The following ZNF804A variants were observed in gnomAD, a reference collection of about 807,000 sequenced individuals.
The protein encoded by ZNF804A is zinc finger protein 804A.
A neutral mutation model predicts 16.5 loss-of-function variants in ZNF804A; 2 were observed. The ratio of observed to expected loss-of-function variants is 0.12; its 90% CI spans 0.05 to 0.38. The LOEUF is 0.38. Among genes scored for constraint, ZNF804A ranks in the 10% least tolerant of loss-of-function variants. ZNF804A has a pLI of 0.99. For synonymous variants in ZNF804A, 534 were observed against 489.6 expected (o/e 1.09, Z -1.20); for missense variants, 1,473 against 1,390.7 (o/e 1.06, Z -0.94).
chr2:184,769,112 C>T (rs1694173493), intron 1 of ZNF804A, among the ~76,000 whole-genome samples: 1 of 152,046 alleles, frequency 6.6e-6, no homozygotes, highest in Non-Finnish European at 1.5e-5. Context: ...TCTTCGATCA[C>T]ATTGCCTCTG....
At chr2:184,909,872 A>G (rs1447175629) in intron 2 of ZNF804A, among the ~76,000 whole-genome samples, 1 of 152,094 alleles carries the variant, frequency 6.6e-6, no homozygotes, top group African/African-American at 2.4e-5. Context: ...GTTCAGATCA[A>G]AAGCAATCCT....
intron 1 of ZNF804A, among the ~76,000 whole-genome samples, chr2:184,692,526 T>A (rs1692749132): frequency 6.6e-6 from 1 of 152,186 alleles, no homozygotes; most frequent in Non-Finnish European, 1.5e-5. Flanking sequence ...AGGTTTATAG[T>A]TTCTGACATT....
chr2:184,768,640 T>C (rs1483845251), intron 1 of ZNF804A, among the ~76,000 whole-genome samples: 3 of 152,072 alleles, frequency 2.0e-5, no homozygotes, highest in Admixed American at 6.6e-5. Context: ...TTGATGTTTC[T>C]GGTCTAGGGA....
chr2:184,709,195 T>C (rs955299991), intron 1 of ZNF804A, among the ~76,000 whole-genome samples: 3 of 152,116 alleles, frequency 2.0e-5, no homozygotes, highest in African/African-American at 7.2e-5. Flanking sequence ...ATCCTCCACT[T>C]GGTCTGGAAT....
chr2:184,757,637 T>G (rs558434583), intron 1 of ZNF804A, among the ~76,000 whole-genome samples: 2 of 152,146 alleles, frequency 1.3e-5, no homozygotes, highest in East Asian at 3.9e-4. Flanking sequence ...AAAGTTGTTT[T>G]GTTTGTCATT....
At chr2:184,890,664 A>C (rs1158205782) in intron 2 of ZNF804A, among the ~76,000 whole-genome samples, 1 of 151,922 alleles carries the variant, frequency 6.6e-6, no homozygotes, top group Non-Finnish European at 1.5e-5. Context: ...CTATTTACTA[A>C]ATAATGATTA....
At position 184,752,161 on chromosome 2, in the gene ZNF804A, A is replaced by G. The variant is rs192325987; in HGVS notation, c.112-114208A>G. Reference sequence around the variant, plus strand: ...CTCAAAGGAAAAGAAATAATTATATAAAAAAGACACCTGTCCTCATATGTT... The same window carrying G: ...CTCAAAGGAAAAGAAATAATTATATGAAAAAGACACCTGTCCTCATATGTT... On this transcript the variant is annotated intron_variant, in intron 1 of 3. Coordinates refer to ENST00000302277, the MANE Select transcript of ZNF804A (RefSeq NM_194250.2). Among the ~76,000 whole-genome samples, 56 of 151,616 alleles carry G rather than the reference A, an allele frequency of 3.7e-4. No individual in the cohort carries two copies. In the East Asian group the frequency reaches 8.7e-3, roughly 24 times the overall value.
chr2:184,747,276 A>T (rs1308367300), intron 1 of ZNF804A, among the ~76,000 whole-genome samples: 1 of 140,734 alleles, frequency 7.1e-6, no homozygotes, highest in African/African-American at 2.6e-5. Context: ...CCCCTTCCAC[A>T]CTGTGGAAGC....
At chr2:184,862,354 C>A (rs1397387995) in intron 1 of ZNF804A, among the ~76,000 whole-genome samples, 4 of 152,182 alleles carry the variant, frequency 2.6e-5, no homozygotes, top group African/African-American at 9.7e-5. Flanking sequence ...ACATATGACT[C>A]CTTTCCCTTA....
chr2:184,762,407 T>A (rs1344669804), intron 1 of ZNF804A, among the ~76,000 whole-genome samples: 2 of 151,950 alleles, frequency 1.3e-5, no homozygotes, highest in Admixed American at 6.6e-5. Context: ...GAAAAATTTA[T>A]CAAGTGTATA....
intron 1 of ZNF804A, among the ~76,000 whole-genome samples, chr2:184,757,566 T>A (rs1693977729): frequency 6.6e-6 from 1 of 151,986 alleles, no homozygotes; most frequent in Admixed American, 6.6e-5. Context: ...TCTCTTTCAG[T>A]CTTTTTGAAT....
chr2:184,695,331 T>G (rs2105727983), intron 1 of ZNF804A, among the ~76,000 whole-genome samples: 1 of 151,574 alleles, frequency 6.6e-6, no homozygotes, highest in African/African-American at 2.4e-5. Context: ...TGAGGTGGCA[T>G]GTGCCTGTAG....
intron 1 of ZNF804A, among the ~76,000 whole-genome samples, chr2:184,865,004 C>T (rs543429720): frequency 9.3e-5 from 14 of 151,304 alleles, no homozygotes; most frequent in Middle Eastern, 3.4e-3. Context: ...CCTCGGCCTC[C>T]GAGTAGCTGG....
chr2:184,923,554 T>C (rs186582859), intron 2 of ZNF804A, among the ~76,000 whole-genome samples: 3 of 152,048 alleles, frequency 2.0e-5, no homozygotes, highest in South Asian at 4.1e-4. Flanking sequence ...TCTTGTCTGA[T>C]TGATTGCTCT....
chr2:184,636,452 T>TGTGTGTGTGTGA (rs1232918891), intron 1 of ZNF804A, among the ~76,000 whole-genome samples: 1 of 114,292 alleles, frequency 8.7e-6, no homozygotes, highest in African/African-American at 3.4e-5. Flanking sequence ...TGTGTGTGTG[T>TGTGTGTGTGTGA]GAGAGAGAGA....
chr2:184,861,021 C>G (rs1002727575), intron 1 of ZNF804A, among the ~76,000 whole-genome samples: 2 of 152,160 alleles, frequency 1.3e-5, no homozygotes, highest in Admixed American at 1.3e-4. Flanking sequence ...AAGATCAAGT[C>G]TGTTGCTCAG....
intron 1 of ZNF804A, among the ~76,000 whole-genome samples, chr2:184,732,669 A>G (rs1263202327): frequency 3.9e-5 from 6 of 152,124 alleles, no homozygotes; most frequent in Admixed American, 2.0e-4. Context: ...AACATGGAAT[A>G]TATTTCTATT....
chr2:184,921,691 C>T (rs1371606214), intron 2 of ZNF804A, among the ~76,000 whole-genome samples: 1 of 152,076 alleles, frequency 6.6e-6, no homozygotes, highest in South Asian at 2.1e-4. Flanking sequence ...GCTATAGTCA[C>T]CTTTTTGTGC....
chr2:184,833,939 T>A (rs1226017335), intron 1 of ZNF804A, among the ~76,000 whole-genome samples: 2 of 152,030 alleles, frequency 1.3e-5, no homozygotes, highest in African/African-American at 4.8e-5. Context: ...AGCATATGAC[T>A]TCCTTTGTAA....
Sources: gnomAD v4.1 joint callset for allele counts (sites outside exome capture counted in the v4.1 genomes callset) on GRCh38, gnomAD v4.1.1 for gene constraint, MANE v1.5 for transcripts, NCBI Gene and HGNC (gene_info 2026-07-23, HGNC 2026-07-21) for gene names.